Variants in RBPJ observed in about 807,000 individuals in gnomAD.
RBPJ encodes the protein recombining binding protein suppressor of hairless.
RBPJ carries 9 observed loss-of-function variants against 67.8 expected under a neutral mutation model. The observed-to-expected ratio is 0.13, with a 90% CI of 0.08 to 0.23. RBPJ has a LOEUF of 0.23. Ranked by LOEUF, RBPJ falls within the 10% of genes least tolerant of loss-of-function variation. The pLI is 1.00. For synonymous variants in RBPJ, 198 were observed against 203.3 expected (o/e 0.97, Z 0.22); for missense variants, 305 against 595.6 (o/e 0.51, Z 5.08).
At chr4:26,222,633 A>AATATATATATATATATATAT (rs10673072) in intron 1 of RBPJ, among the ~76,000 whole-genome samples, 6 of 135,926 alleles carry the variant, frequency 4.4e-5, no homozygotes, top group African/African-American at 1.4e-4. Flanking sequence ...TGTACTCTGA[A>AATATATATATATATATATAT]ATATATATAT....
chr4:26,196,779 C>T (rs1717782202), intron 1 of RBPJ, among the ~76,000 whole-genome samples: 1 of 152,192 alleles, frequency 6.6e-6, no homozygotes, highest in African/African-American at 2.4e-5. Flanking sequence ...CCGGAGCTCC[C>T]CCAGCCCTTC....
chr4:26,147,820 G>C, the RBPJ span, among the ~76,000 whole-genome samples: 2 of 152,136 alleles, frequency 1.3e-5, no homozygotes, highest in African/African-American at 2.4e-5. Flanking sequence ...ATCCCAATTA[G>C]GAGGCTGTTG....
intron 1 of RBPJ, among the ~76,000 whole-genome samples, chr4:26,220,229 T>C (rs1030167910): frequency 1.3e-5 from 2 of 152,200 alleles, no homozygotes; most frequent in Non-Finnish European, 2.9e-5. Flanking sequence ...TAATATTTAG[T>C]TGACTACCTG....
chr4:26,208,412 A>C (rs1305653865), intron 1 of RBPJ, among the ~76,000 whole-genome samples: 1 of 152,222 alleles, frequency 6.6e-6, no homozygotes, highest in Admixed American at 6.5e-5. Flanking sequence ...TGCAGAAGAG[A>C]AGGCTGATCC....
In RBPJ at chr4:26,325,348, A is replaced by C. The variant is rs539998705; in HGVS notation, c.20+4300A>C. On this transcript the variant is annotated intron_variant, in intron 1 of 10. Transcript: ENST00000355476. ...TAGCAGAGCAGTCTTTCTAAAGAGC[A>C]AATCTGATCACTGCTTAATCTAAAA... Among the ~76,000 whole-genome samples the C allele has an allele frequency of 2.4e-4, 37 of 152,300 alleles. No homozygotes were observed. In the Middle Eastern group the frequency reaches 0.01, roughly 42 times the overall value.
intron 1 of RBPJ, among the ~76,000 whole-genome samples, chr4:26,256,341 G>A (rs1720345126): frequency 1.3e-5 from 2 of 151,922 alleles, no homozygotes; most frequent in Non-Finnish European, 2.9e-5. Context: ...GAGAAATCAG[G>A]ATACAACTGA....
At chr4:26,237,084 G>A (rs1349688897) in intron 1 of RBPJ, among the ~76,000 whole-genome samples, 1 of 152,126 alleles carries the variant, frequency 6.6e-6, no homozygotes, top group Non-Finnish European at 1.5e-5. Flanking sequence ...ATGACATCTG[G>A]GTGCCGGGCT....
the RBPJ span, among the ~76,000 whole-genome samples, chr4:26,155,702 T>C: frequency 6.6e-6 from 1 of 152,196 alleles, no homozygotes; most frequent in Non-Finnish European, 1.5e-5. Context: ...CCCAAAGTGC[T>C]GGGATTGCAG....
the RBPJ span, among the ~76,000 whole-genome samples, chr4:26,134,176 T>G: frequency 1.3e-5 from 2 of 151,926 alleles, no homozygotes; most frequent in African/African-American, 2.4e-5. Flanking sequence ...CTATTTAGAG[T>G]TCATTCTTTT....
At chr4:26,391,505 TA>T (rs985088061) in intron 2 of RBPJ, among the ~76,000 whole-genome samples, 1 of 152,022 alleles carries the variant, frequency 6.6e-6, no homozygotes, top group Non-Finnish European at 1.5e-5. Context: ...AGTACCATAT[TA>T]AAAAAATAGC....
At chr4:26,319,018 A>G (rs1258287560), upstream of RBPJ, among the ~76,000 whole-genome samples, 2 of 144,590 alleles carry the variant, frequency 1.4e-5, no homozygotes, top group Admixed American at 1.4e-4. Context: ...AAAAAAAAAA[A>G]AAAGAAACCA....
rs571007380 is a variant in RBPJ at position 26,431,105 on chromosome 4, A to G, written c.*98A>G. On this transcript the variant is annotated 3_prime_UTR_variant, in exon 11 of 11. Transcript: ENST00000355476. ...ACAATCGTTTGTGGTTTCTTGGGAA[A>G]ACTTTTCATACCAGGTGATACTATT... The G allele has an allele frequency of 1.8e-4, 199 of 1,089,350 alleles. No homozygotes were observed. Among genetic ancestry groups the G allele is most frequent in the South Asian group, 6.8e-4 (44 of 64,696 alleles). The allele number at this position is 1,089,350 out of a possible 1,614,324, so 67.5% of individuals were successfully genotyped here.
At chr4:26,275,245 G>A (rs1721039617) in intron 1 of RBPJ, among the ~76,000 whole-genome samples, 1 of 152,196 alleles carries the variant, frequency 6.6e-6, no homozygotes, top group African/African-American at 2.4e-5. Flanking sequence ...CTTCTGCTTA[G>A]ACCAAAGCCT....
chr4:26,214,923 A>G (rs1718612803), intron 1 of RBPJ, among the ~76,000 whole-genome samples: 1 of 56,452 alleles, frequency 1.8e-5, no homozygotes, highest in South Asian at 7.2e-4. Flanking sequence ...AAGAGAAAAA[A>G]GGAAGGAAGG....
intron 1 of RBPJ, among the ~76,000 whole-genome samples, chr4:26,186,398 A>G (rs1230499075): frequency 6.6e-6 from 1 of 152,212 alleles, no homozygotes; most frequent in Non-Finnish European, 1.5e-5. Context: ...GAACAGTGCC[A>G]GGTACACAGT....
At chr4:26,126,310 G>A in the RBPJ span, among the ~76,000 whole-genome samples, 1 of 151,056 alleles carries the variant, frequency 6.6e-6, no homozygotes, top group African/African-American at 2.5e-5. Context: ...TTGTTTTTTG[G>A]CTTCCCGCCC....
At chr4:26,326,853 T>C (rs1723676838) in intron 1 of RBPJ, among the ~76,000 whole-genome samples, 1 of 152,170 alleles carries the variant, frequency 6.6e-6, no homozygotes, top group African/African-American at 2.4e-5. Flanking sequence ...CAAGCTGTGG[T>C]TTTGTGGGTC....
intron 1 of RBPJ, among the ~76,000 whole-genome samples, chr4:26,342,822 C>G (rs999585344): frequency 6.6e-6 from 1 of 152,172 alleles, no homozygotes; most frequent in African/African-American, 2.4e-5. Context: ...AATGGTATCT[C>G]TGACATGCTA....
rs1268676332 is a variant in RBPJ, at chr4:26,390,471, T to C, written c.59+4080T>C. Among the ~76,000 whole-genome samples, 6 of 152,254 alleles carry C rather than the reference T, an allele frequency of 3.9e-5. No homozygotes were observed. The East Asian group carries it at 5.8e-4, about 15-fold the overall frequency. On this transcript the variant is annotated intron_variant, in intron 2 of 10. Coordinates refer to ENST00000355476, the MANE Select transcript of RBPJ (RefSeq NM_015874.6). The stretch of plus-strand genomic sequence containing the variant: ...GTGAAACTGTCTTTATTTGCAGATA[T>C]CATGATCATATGTATAGAAAATTCT...
Sources: gnomAD v4.1 joint callset for allele counts (sites outside exome capture counted in the v4.1 genomes callset) on GRCh38, gnomAD v4.1.1 for gene constraint, MANE v1.5 for transcripts, NCBI Gene and HGNC (gene_info 2026-07-23, HGNC 2026-07-21) for gene names.